The following TMEM179B variants were observed in gnomAD, a reference collection of about 807,000 sequenced individuals.
TMEM179B encodes transmembrane protein 179B.
In TMEM179B, 13 loss-of-function variants were observed where a neutral mutation model predicts 18.0. That is an observed-to-expected ratio of 0.72 (90% CI 0.47 to 1.15). The LOEUF (loss-of-function observed/expected upper bound fraction) is 1.15, where lower values mean the gene tolerates loss of function less well. Ranked by LOEUF, TMEM179B falls within the 50% of genes most tolerant of loss-of-function variation. The pLI is 0.00. For missense variants in TMEM179B, 320 were observed against 270.6 expected (o/e 1.18, Z -1.28); for synonymous variants, 159 against 117.5 (o/e 1.35, Z -2.29).
rs1203801335 is a variant in TMEM179B, at chr11:62,789,589, T to C, written c.420-12T>C. On this transcript the variant is annotated splice_polypyrimidine_tract_variant and intron_variant, in intron 3 of 4. Transcript: ENST00000333449. Reference sequence around the variant, plus strand: ...ATCACGCTTTCTCACAACTGTCTCTTTGACCTCACAGCTGTTCTGAAGCCC... The same window carrying C: ...ATCACGCTTTCTCACAACTGTCTCTCTGACCTCACAGCTGTTCTGAAGCCC... The C allele has an allele frequency of 6.5e-7, 1 of 1,549,782 alleles. No homozygotes were observed. Among genetic ancestry groups the C allele is most frequent in the Non-Finnish European group, 8.7e-7 (1 of 1,150,300 alleles).
rs1047328799 is a variant in TMEM179B, at chr11:62,788,950, C to CT, written c.97-72dup. ...ATGCAGGACCATTCCTAAGTTATCA[C>CT]TAACACCCTACCAAGAGACTGTATC... On this transcript the variant is annotated intron_variant, in intron 1 of 4. Coordinates refer to ENST00000333449, the MANE Select transcript of TMEM179B (RefSeq NM_199337.3). 1.5e-5 allele frequency: 23 copies of CT among 1,486,104 alleles called. No homozygotes were observed. In the African/African-American group the frequency reaches 2.2e-4, roughly 14 times the overall value. The allele number at this position is 1,486,104 out of a possible 1,614,324, so 92.1% of individuals were successfully genotyped here.
chr11:62,789,415 CACT>C lies in TMEM179B; in HGVS notation c.411_413del (p.Thr138del). Reference sequence around the variant, plus strand: ...TCTGCAACTCCATCATCTCCTTGAACACTACAATTAGGTAATGGGAGAGGGAGG... The same window carrying C: ...TCTGCAACTCCATCATCTCCTTGAACACAATTAGGTAATGGGAGAGGGAGG... On this transcript the variant is annotated inframe_deletion, in exon 3 of 5. Transcript: ENST00000333449. The C allele has an allele frequency of 6.2e-7, 1 of 1,613,904 alleles. No homozygotes were observed. The highest frequency in any genetic ancestry group is 1.6e-4 in the Middle Eastern group (1 of 6,062).
rs1174292790 is a variant in TMEM179B at position 62,790,193 on chromosome 11, C to G, written c.*146C>G. On this transcript the variant is annotated 3_prime_UTR_variant, in exon 5 of 5. Coordinates refer to ENST00000333449, the MANE Select transcript of TMEM179B (RefSeq NM_199337.3). ...AAACATAATGACAGGCCCCCCTCCA[C>G]CTCTTCCTGCAGCTGTTTTTGTACC... 1 of 852,868 alleles carries G rather than the reference C, an allele frequency of 1.2e-6. No individual in the cohort carries two copies. The highest frequency in any genetic ancestry group is 1.7e-5 in the African/African-American group (1 of 58,568). 52.8% of individuals were successfully genotyped at this position (852,868 alleles called of 1,614,324 possible). A position where few individuals can be genotyped will look rare whatever the true frequency, so the allele number is the denominator to read the frequency against.
chr11:62,787,845 C>G (rs1248718427), intron 1 of TMEM179B: 1 of 640,416 alleles, frequency 1.6e-6, no homozygotes, highest in African/African-American at 1.8e-5. Context: ...AGTGCAGAAC[C>G]TGCGTCCATC....
chr11:62,789,777 C>G (rs767477287), intron 4 of TMEM179B, 98 bp downstream of exon 4: 1 of 1,522,182 alleles, frequency 6.6e-7, no homozygotes, highest in Non-Finnish European at 8.9e-7. Flanking sequence ...GTGAGAGGAG[C>G]TGAAGGGGTT....
At chr11:62,787,635 C>T in intron 1 of TMEM179B, 108 bp downstream of exon 1, 2 of 1,352,402 alleles carry the variant, frequency 1.5e-6, no homozygotes, top group Non-Finnish European at 2.0e-6. Context: ...AGCCGGTGGA[C>T]CTGGTGAGGC....
At chr11:62,788,511 T>C (rs1245792809) in intron 1 of TMEM179B, among the ~76,000 whole-genome samples, 1 of 152,104 alleles carries the variant, frequency 6.6e-6, no homozygotes, top group African/African-American at 2.4e-5. Context: ...AAGACCATCC[T>C]GGCCAACACG....
At position 62,790,010 on chromosome 11, in the gene TMEM179B, C is replaced by G; in HGVS notation, c.623C>G (p.Thr208Arg). ...ERGDPEWSSE[T>R]DALVGSRLSH... Reference sequence around the variant, plus strand: ...GGTGACCCTGAGTGGAGCTCTGAGACAGATGCTCTCGTTGGGTCACGCCTT... The same window carrying G: ...GGTGACCCTGAGTGGAGCTCTGAGAGAGATGCTCTCGTTGGGTCACGCCTT... The change falls in exon 5 of 5, where the codon ACA becomes AGA. Residue 208 changes from threonine to arginine, a missense_variant. By Grantham distance (71) the Thr-to-Arg change is moderately conservative. Coordinates refer to ENST00000333449, the MANE Select transcript of TMEM179B (RefSeq NM_199337.3). The G allele has an allele frequency of 6.2e-7, 1 of 1,613,834 alleles. No individual in the cohort carries two copies. Among genetic ancestry groups the G allele is most frequent in the South Asian group, 1.1e-5 (1 of 91,050 alleles).
rs751099239 is a variant in TMEM179B, at chr11:62,789,911, TGTG to T, written c.528_530del (p.Trp176del). On this transcript the variant is annotated inframe_deletion, in exon 5 of 5. Transcript: ENST00000333449. ...ACCTCTTCTTGGGTGAATTTGGTAT[TGTG>T]GTGTGTGGTCTTGGTGCTCCAGGTC... 1 of 1,613,976 alleles carries T rather than the reference TGTG, an allele frequency of 6.2e-7. No homozygotes were observed. The highest frequency in any genetic ancestry group is 1.7e-5 in the Admixed American group (1 of 59,992).
rs764097050 is a variant in TMEM179B at position 62,789,429 on chromosome 11, A to C, written c.419+3A>C. The C allele has an allele frequency of 6.2e-7, 1 of 1,613,700 alleles. No homozygotes were observed. Among genetic ancestry groups the C allele is most frequent in the East Asian group, 2.2e-5 (1 of 44,864 alleles). On this transcript the variant is annotated splice_donor_region_variant and intron_variant, in intron 3 of 4. Coordinates refer to ENST00000333449, the MANE Select transcript of TMEM179B (RefSeq NM_199337.3). ...ATCTCCTTGAACACTACAATTAGGT[A>C]ATGGGAGAGGGAGGGAAGCCTGGCT...
chr11:62,789,428 T>TA lies in TMEM179B; in HGVS notation c.419+4dup. The TA allele has an allele frequency of 6.2e-7, 1 of 1,613,638 alleles. No homozygotes were observed. The highest frequency in any genetic ancestry group is 8.5e-7 in the Non-Finnish European group (1 of 1,179,986). On this transcript the variant is annotated splice_region_variant and intron_variant, in intron 3 of 4. Transcript: ENST00000333449. Reference sequence around the variant, plus strand: ...CATCTCCTTGAACACTACAATTAGGTAATGGGAGAGGGAGGGAAGCCTGGC... The same window carrying TA: ...CATCTCCTTGAACACTACAATTAGGTAAATGGGAGAGGGAGGGAAGCCTGGC...
At position 62,790,112 on chromosome 11, in the gene TMEM179B, C is replaced by G; in HGVS notation, c.*65C>G. On this transcript the variant is annotated 3_prime_UTR_variant, in exon 5 of 5. Transcript: ENST00000333449. ...CCCAAGTGCCTGTAATCCCCCCCCTCAAGGCCCTGTTTATGTTGGGAGTCT... is the reference window on the plus strand; with the variant it reads ...CCCAAGTGCCTGTAATCCCCCCCCTGAAGGCCCTGTTTATGTTGGGAGTCT... 1 of 1,477,542 alleles carries G rather than the reference C, an allele frequency of 6.8e-7. No individual in the cohort carries two copies. Among genetic ancestry groups the G allele is most frequent in the Non-Finnish European group, 9.0e-7 (1 of 1,110,740 alleles). The allele number at this position is 1,477,542 out of a possible 1,614,324, so 91.5% of individuals were successfully genotyped here.
chr11:62,789,024 G>A lies in TMEM179B; in HGVS notation c.98G>A (p.Gly33Asp). The A allele has an allele frequency of 6.2e-7, 1 of 1,610,506 alleles. No individual in the cohort carries two copies. The highest frequency in any genetic ancestry group is 8.5e-7 in the Non-Finnish European group (1 of 1,177,348). ...GGACTCAGCAGCTTCTCTCCACAGGGCTCCTTCAGTGGTAGATGTCCCCTG... is the reference window on the plus strand; with the variant it reads ...GGACTCAGCAGCTTCTCTCCACAGGACTCCTTCAGTGGTAGATGTCCCCTG... Reference protein sequence around the residue: ...VAAAAMTRTQGSFSGRCPLYG... With the variant: ...VAAAAMTRTQDSFSGRCPLYG... The change falls in exon 2 of 5, where the codon GGC becomes GAC. Residue 33 changes from glycine (G) to aspartate (D), a missense_variant and splice_region_variant. By Grantham distance (94) the Gly-to-Asp change is moderately conservative. Coordinates refer to ENST00000333449, the MANE Select transcript of TMEM179B (RefSeq NM_199337.3).
chr11:62,789,281 C>T lies in TMEM179B; in HGVS notation c.285-11C>T. On this transcript the variant is annotated splice_polypyrimidine_tract_variant and intron_variant, in intron 2 of 4. Coordinates refer to ENST00000333449, the MANE Select transcript of TMEM179B (RefSeq NM_199337.3). ...TCACCTCCACCACAAGGCTTGTTCT[C>T]TCCCTTTCAGAGGTGCTATAGGGCT... 6.2e-7 allele frequency: 1 copy of T among 1,614,134 alleles called. No individual in the cohort carries two copies. Among genetic ancestry groups the T allele is most frequent in the Non-Finnish European group, 8.5e-7 (1 of 1,180,016 alleles).
Position 62,789,826 on chromosome 11 carries a change from T to C in TMEM179B, c.499-60T>C, listed in dbSNP as rs1298334339. Reference sequence around the variant, plus strand: ...TCAGCAGTTCAGAGTGGTGTGTGGGTGGGAAGGACTGGATTTGAAATGGTC... The same window carrying C: ...TCAGCAGTTCAGAGTGGTGTGTGGGCGGGAAGGACTGGATTTGAAATGGTC... On this transcript the variant is annotated intron_variant, in intron 4 of 4. Transcript: ENST00000333449. The C allele has an allele frequency of 1.9e-6, 3 of 1,577,162 alleles. No individual in the cohort carries two copies. The East Asian group carries it at 6.7e-5, about 35-fold the overall frequency.
chr11:62,789,005 A>C lies in TMEM179B; in HGVS notation c.97-18A>C, dbSNP rs1433120232. Reference sequence around the variant, plus strand: ...GACATTAACCTGAAATCTAGGACTCAGCAGCTTCTCTCCACAGGGCTCCTT... The same window carrying C: ...GACATTAACCTGAAATCTAGGACTCCGCAGCTTCTCTCCACAGGGCTCCTT... On this transcript the variant is annotated intron_variant, in intron 1 of 4. Transcript: ENST00000333449. 1 of 1,602,304 alleles carries C rather than the reference A, an allele frequency of 6.2e-7. No homozygotes were observed. Among genetic ancestry groups the C allele is most frequent in the Non-Finnish European group, 8.5e-7 (1 of 1,171,822 alleles).
Position 62,787,406 on chromosome 11 carries a change from C to T in TMEM179B, c.-26C>T. The T allele has an allele frequency of 6.4e-7, 1 of 1,555,832 alleles. No individual in the cohort carries two copies. Among genetic ancestry groups the T allele is most frequent in the Non-Finnish European group, 8.6e-7 (1 of 1,159,170 alleles). ...GGCTTTGGGCGGGGTGCTGCTGCAG[C>T]GGCGCTTCCTGGTGGTCAGGGCGCC... On this transcript the variant is annotated 5_prime_UTR_variant, in exon 1 of 5. Transcript: ENST00000333449.
In TMEM179B at chr11:62,789,993, T is replaced by C; in HGVS notation, c.606T>C (p.Pro202=). The change falls in exon 5 of 5, where the codon CCT becomes CCC. Residue 202 remains proline (P), a synonymous_variant. Coordinates refer to ENST00000333449, the MANE Select transcript of TMEM179B (RefSeq NM_199337.3). ...ACCGGCCTCTGGAGAGGGGTGACCC[T>C]GAGTGGAGCTCTGAGACAGATGCTC... The part of the protein sequence containing the change: ...TPYRPLERGD[P]EWSSETDALV... The C allele has an allele frequency of 6.2e-7, 1 of 1,614,128 alleles. No homozygotes were observed.
rs1256435567 is a variant in TMEM179B at position 62,789,088 on chromosome 11, A to G, written c.162A>G (p.Leu54=). The G allele has an allele frequency of 3.7e-6, 6 of 1,614,058 alleles. No homozygotes were observed. Among genetic ancestry groups the G allele is most frequent in the Non-Finnish European group, 4.2e-6 (5 of 1,180,038 alleles). The change falls in exon 2 of 5, where the codon TTA becomes TTG. Residue 54 remains leucine (L), a synonymous_variant. Coordinates refer to ENST00000333449, the MANE Select transcript of TMEM179B (RefSeq NM_199337.3). ...CCCTGAATGGCTCCTCCCTGGCCTTATCCCGTCCCTCAGCACCATCCCTGT... is the reference window on the plus strand; with the variant it reads ...CCCTGAATGGCTCCTCCCTGGCCTTGTCCCGTCCCTCAGCACCATCCCTGT... ...VATLNGSSLA[L]SRPSAPSLCY...
Sources: allele counts gnomAD v4.1 joint callset (sites outside exome capture counted in the v4.1 genomes callset), GRCh38; gene constraint gnomAD v4.1.1; transcripts MANE v1.5; gene names NCBI Gene and HGNC (gene_info 2026-07-23, HGNC 2026-07-21).